The following TGFBR3 variants were observed in gnomAD, a reference collection of about 807,000 sequenced individuals.
TGFBR3 encodes the protein transforming growth factor beta receptor 3, also known as transforming growth factor beta receptor type 3.
In TGFBR3, 46 loss-of-function variants were observed where a neutral mutation model predicts 87.9. The ratio of observed to expected loss-of-function variants is 0.52; its 90% CI spans 0.41 to 0.67. The LOEUF is 0.67. Among genes scored for constraint, TGFBR3 ranks in the 30% least tolerant of loss-of-function variants. The pLI is 0.00. For synonymous variants in TGFBR3, 381 were observed against 391.6 expected, an observed-to-expected ratio of 0.97 and a Z score of 0.32; for missense variants, 866 against 1,041.9, an observed-to-expected ratio of 0.83 and a Z score of 2.32.
chr1:91,894,886 T>G (rs1679522038), intron 2 of TGFBR3, among the ~76,000 whole-genome samples: 1 of 152,210 alleles, frequency 6.6e-6, no homozygotes, highest in Non-Finnish European at 1.5e-5. Flanking sequence ...TTCTCCTGCC[T>G]CAGCCTCCCG....
chr1:91,873,282 C>CTT (rs34364302), intron 1 of TGFBR3, among the ~76,000 whole-genome samples: 7,130 of 100,898 alleles, frequency 0.071, 451 homozygotes, highest in African/African-American at 0.092. Context: ...ATTTTCCCTT[C>CTT]TTTTTTTTTT....
intron 15 of TGFBR3, 87 bp from the exon 16 acceptor site, chr1:91,695,866 C>A: frequency 9.1e-7 from 1 of 1,094,656 alleles, no homozygotes; most frequent in South Asian, 1.3e-5. Context: ...CAAGCACTGT[C>A]ATAAAGGTTG....
chr1:91,790,976 TA>T (rs1489177973), intron 3 of TGFBR3, among the ~76,000 whole-genome samples: 1 of 152,144 alleles, frequency 6.6e-6, no homozygotes, highest in Non-Finnish European at 1.5e-5. Flanking sequence ...GTTCGTGTAT[TA>T]ATATTGTGGA....
intron 7 of TGFBR3, among the ~76,000 whole-genome samples, chr1:91,724,546 G>C (rs12562433): frequency 0.39 from 59,971 of 152,060 alleles, 12,238 homozygotes; most frequent in East Asian, 0.49. Context: ...CACCTTTCCA[G>C]ATTAAATCTA....
intron 1 of TGFBR3, among the ~76,000 whole-genome samples, chr1:91,900,491 C>G (rs979334822): frequency 1.3e-5 from 2 of 152,226 alleles, no homozygotes; most frequent in Non-Finnish European, 1.5e-5. Flanking sequence ...GTTTTAACAA[C>G]AGTAACACTT....
intron 4 of TGFBR3, 127 bp downstream of exon 4, chr1:91,758,486 A>G: frequency 1.7e-6 from 2 of 1,193,242 alleles, no homozygotes; most frequent in Middle Eastern, 1.9e-4. Flanking sequence ...GCATCCTCCA[A>G]ATTTAACACT....
chr1:91,875,601 G>A, intron 1 of TGFBR3, among the ~76,000 whole-genome samples: 1 of 151,986 alleles, frequency 6.6e-6, no homozygotes, highest in East Asian at 1.9e-4. Context: ...TGAAAAGGAA[G>A]ACTGGGCTGG....
chr1:91,745,498 C>G (rs539873170), intron 4 of TGFBR3, among the ~76,000 whole-genome samples: 1 of 152,298 alleles, frequency 6.6e-6, no homozygotes, highest in East Asian at 1.9e-4. Context: ...GGCCCTAGAA[C>G]TCATCACAGC....
chr1:91,834,490 G>A (rs902156638), intron 2 of TGFBR3, among the ~76,000 whole-genome samples: 2 of 152,178 alleles, frequency 1.3e-5, no homozygotes, highest in African/African-American at 2.4e-5. Flanking sequence ...GCCTTTGAGA[G>A]TTCAGAGTTG....
chr1:91,722,500 CT>C (rs5776114), intron 7 of TGFBR3, among the ~76,000 whole-genome samples: 151,552 of 152,182 alleles, frequency 1, 75,464 homozygotes, highest in South Asian at 1. Flanking sequence ...TAAACTTTCC[CT>C]TTTTTTTACT....
chr1:91,703,291 T>G (rs1671685272), intron 14 of TGFBR3, among the ~76,000 whole-genome samples: 1 of 152,150 alleles, frequency 6.6e-6, no homozygotes, highest in African/African-American at 2.4e-5. Flanking sequence ...TGGATCAACT[T>G]CCAACTGACG....
At chr1:91,705,225 CTT>C (rs35620891) in intron 14 of TGFBR3, among the ~76,000 whole-genome samples, 25 of 135,914 alleles carry the variant, frequency 1.8e-4, no homozygotes, top group Admixed American at 6.0e-4. Flanking sequence ...AGTCTCTTTT[CTT>C]TTTTTTTTTT....
upstream of TGFBR3, among the ~76,000 whole-genome samples, chr1:91,886,959 C>A (rs1394032554): frequency 2.0e-5 from 3 of 152,198 alleles, no homozygotes; most frequent in Non-Finnish European, 2.9e-5. Context: ...GTACACGCTG[C>A]AGAAGTTGAA....
intron 2 of TGFBR3, among the ~76,000 whole-genome samples, chr1:91,832,633 G>A (rs1053504234): frequency 1.1e-4 from 17 of 152,180 alleles, no homozygotes; most frequent in African/African-American, 3.9e-4. Context: ...GACAGCAGGG[G>A]GAAGGTAGAA....
At chr1:91,869,697 G>A (rs1055113258) in intron 1 of TGFBR3, among the ~76,000 whole-genome samples, 65 of 152,112 alleles carry the variant, frequency 4.3e-4, no homozygotes, top group African/African-American at 1.5e-3. Flanking sequence ...AGTACAGCAG[G>A]ATGATAAATT....
At chr1:91,735,377 G>C (rs1042769810) in intron 4 of TGFBR3, among the ~76,000 whole-genome samples, 1 of 152,222 alleles carries the variant, frequency 6.6e-6, no homozygotes, top group Non-Finnish European at 1.5e-5. Context: ...AGTCCTGCTA[G>C]CAACTGATCA....
At chr1:91,803,030 T>G (rs1675695649) in intron 2 of TGFBR3, among the ~76,000 whole-genome samples, 1 of 152,204 alleles carries the variant, frequency 6.6e-6, no homozygotes, top group Non-Finnish European at 1.5e-5. Context: ...GCAGCCAAAC[T>G]GATCTGAAAA....
chr1:91,867,796 G>C (rs1678441782), intron 1 of TGFBR3, among the ~76,000 whole-genome samples: 3 of 152,156 alleles, frequency 2.0e-5, no homozygotes, highest in Non-Finnish European at 4.4e-5. Flanking sequence ...TGTTACATTG[G>C]AAAAGTCATT....
chr1:91,812,557 A>T (rs1473596598), intron 2 of TGFBR3, among the ~76,000 whole-genome samples: 4 of 152,152 alleles, frequency 2.6e-5, no homozygotes, highest in African/African-American at 9.7e-5. Context: ...TTAAAACTTG[A>T]TGTGATTTCA....
Sources: allele counts gnomAD v4.1 joint callset (sites outside exome capture counted in the v4.1 genomes callset), GRCh38; gene constraint gnomAD v4.1.1; transcripts MANE v1.5; gene names NCBI Gene and HGNC (gene_info 2026-07-23, HGNC 2026-07-21).